The following PIGN variants were observed in gnomAD, a reference collection of about 807,000 sequenced individuals.
PIGN encodes the protein phosphatidylinositol glycan anchor biosynthesis class N, also known as GPI ethanolamine phosphate transferase 1.
Under a neutral mutation model 125.4 loss-of-function variants are expected in PIGN, and 117 were observed. The ratio of observed to expected loss-of-function variants is 0.93; its 90% confidence interval spans 0.80 to 1.09. The LOEUF (loss-of-function observed/expected upper bound fraction) is 1.09, where lower values mean the gene tolerates loss of function less well. PIGN is among the 50% of genes least tolerant of loss of function. The pLI, the probability that PIGN is intolerant of heterozygous loss-of-function variation, is 0.00. For synonymous variants in PIGN, 392 were observed against 377.8 expected, an observed-to-expected ratio of 1.04 and a Z score of -0.44; for missense variants, 1,075 against 1,094.9, an observed-to-expected ratio of 0.98 and a Z score of 0.26.
chr18:62,112,255 A>G (rs1287018146), intron 16 of PIGN, among the ~76,000 whole-genome samples: 1 of 152,224 alleles, frequency 6.6e-6, no homozygotes, highest in Non-Finnish European at 1.5e-5. Context: ...ATTATAATAA[A>G]CACTAATGGC....
intron 14 of PIGN, among the ~76,000 whole-genome samples, chr18:62,117,241 A>T (rs1466481874): frequency 6.6e-6 from 1 of 152,128 alleles, no homozygotes; most frequent in African/African-American, 2.4e-5. Context: ...GGGGATATAA[A>T]GTAAATTTTC....
chr18:62,178,395 T>C (rs2037602002), intron 1 of PIGN, among the ~76,000 whole-genome samples: 1 of 151,928 alleles, frequency 6.6e-6, no homozygotes, highest in Admixed American at 6.6e-5. Flanking sequence ...ACCACCGTAC[T>C]CTGCCATTTT....
intron 22 of PIGN, among the ~76,000 whole-genome samples, chr18:62,098,316 G>A (rs956108537): frequency 2.6e-5 from 4 of 152,062 alleles, no homozygotes; most frequent in Admixed American, 1.3e-4. Flanking sequence ...TTTTCCAGAT[G>A]TGTAGCTCCA....
At chr18:62,032,886 G>A (rs2030210302) in intron 23 of PIGN, among the ~76,000 whole-genome samples, 1 of 152,234 alleles carries the variant, frequency 6.6e-6, no homozygotes, top group Non-Finnish European at 1.5e-5. Flanking sequence ...AAGCCACAGT[G>A]AGAAATCACA....
intron 24 of PIGN, among the ~76,000 whole-genome samples, chr18:62,090,046 A>G (rs962243357): frequency 4.6e-5 from 7 of 152,188 alleles, no homozygotes; most frequent in East Asian, 1.9e-4. Context: ...ATGACCAGAA[A>G]GTGAAAAACA....
chr18:62,051,498 T>C (rs1301343530), intron 30 of PIGN, among the ~76,000 whole-genome samples: 1 of 152,196 alleles, frequency 6.6e-6, no homozygotes, highest in Non-Finnish European at 1.5e-5. Flanking sequence ...TAGAGGTGTT[T>C]GTAGTATTCT....
chr18:62,106,711 T>C, intron 19 of PIGN, 78 bp downstream of exon 19: 1 of 898,420 alleles, frequency 1.1e-6, no homozygotes, highest in Non-Finnish European at 1.7e-6. Context: ...TCTTTAAAAA[T>C]AAACAGTTCC....
chr18:62,073,546 T>C (rs1007882535), intron 29 of PIGN, among the ~76,000 whole-genome samples: 1 of 152,218 alleles, frequency 6.6e-6, no homozygotes, highest in Non-Finnish European at 1.5e-5. Context: ...ATCTTTTTTA[T>C]ACAAAATTAA....
chr18:62,030,136 A>G (rs1438851926), intron 23 of PIGN, among the ~76,000 whole-genome samples: 2 of 152,236 alleles, frequency 1.3e-5, no homozygotes, highest in Admixed American at 1.3e-4. Flanking sequence ...TATAAGCCAG[A>G]ATGTCGGTTA....
At chr18:62,149,293 C>T (rs2036446905) in intron 7 of PIGN, among the ~76,000 whole-genome samples, 1 of 152,102 alleles carries the variant, frequency 6.6e-6, no homozygotes, top group African/African-American at 2.4e-5. Context: ...AACCTATCAT[C>T]CTTCTCAAAA....
At chr18:62,078,040 T>C (rs2033263262) in intron 28 of PIGN, among the ~76,000 whole-genome samples, 1 of 152,222 alleles carries the variant, frequency 6.6e-6, no homozygotes. Context: ...CACCTCATTT[T>C]AGTTACCTAT....
chr18:62,073,733 T>C (rs1037533041), intron 29 of PIGN, among the ~76,000 whole-genome samples: 1 of 152,188 alleles, frequency 6.6e-6, no homozygotes, highest in African/African-American at 2.4e-5. Flanking sequence ...TTTGGGAAGC[T>C]ACCCTTATTA....
chr18:62,161,278 A>T lies in PIGN; in HGVS notation c.76T>A (p.Ser26Thr), dbSNP rs183421871. 4.3e-6 allele frequency: 7 copies of T among 1,613,794 alleles called. No homozygotes were observed. The East Asian group carries it at 1.6e-4, about 36-fold the overall frequency. The change falls in exon 4 of 31, where the codon TCT becomes ACT. Residue 26 changes from serine (S) to threonine (T), a missense_variant. This residue lies in a region of PIGN where 152 missense variants were observed against 162.9 expected (regional missense o/e 0.93). Coordinates refer to ENST00000640252, the MANE Select transcript of PIGN (RefSeq NM_176787.5). ...FASIFDIYFT[S>T]PLVHGMTPQF... ...GGAGTCATTCCATGAACCAAAGGAG[A>T]TGTAAAATAAATGTCAAAGATGGAG...
chr18:62,128,078 T>G (rs994768294), intron 14 of PIGN, among the ~76,000 whole-genome samples: 2 of 152,168 alleles, frequency 1.3e-5, no homozygotes, highest in African/African-American at 4.8e-5. Context: ...ATTCCCACTT[T>G]TATAATGTCA....
At chr18:62,173,690 A>T (rs1485682121) in intron 1 of PIGN, among the ~76,000 whole-genome samples, 1 of 152,254 alleles carries the variant, frequency 6.6e-6, no homozygotes, top group Non-Finnish European at 1.5e-5. Context: ...GAATAAACGT[A>T]TGTCAAGTAC....
At chr18:62,131,292 G>T (rs2035727502) in intron 14 of PIGN, among the ~76,000 whole-genome samples, 1 of 151,980 alleles carries the variant, frequency 6.6e-6, no homozygotes, top group Non-Finnish European at 1.5e-5. Context: ...TATTGGCAAG[G>T]TATATATCCC....
intron 30 of PIGN, among the ~76,000 whole-genome samples, chr18:62,050,837 T>C (rs2031216228): frequency 1.3e-5 from 2 of 151,528 alleles, no homozygotes; most frequent in Non-Finnish European, 3.0e-5. Context: ...GGCTGTGGGT[T>C]TGTCATAGAT....
intron 30 of PIGN, among the ~76,000 whole-genome samples, chr18:62,070,812 A>T (rs1041828810): frequency 6.8e-6 from 1 of 147,782 alleles, no homozygotes; most frequent in Non-Finnish European, 1.5e-5. Flanking sequence ...TAATTAATTA[A>T]TTTTTTTTTG....
intron 30 of PIGN, chr18:62,051,638 C>T (rs894081101): frequency 6.6e-6 from 1 of 151,904 alleles, no homozygotes; most frequent in African/African-American, 2.4e-5. Context: ...TTTGTTGATC[C>T]TTTCAAAAAA....
Sources: gnomAD v4.1 joint callset for allele counts (sites outside exome capture counted in the v4.1 genomes callset) on GRCh38, gnomAD v4.1.1 for gene constraint, gnomAD v4.1.1 regional missense constraint, MANE v1.5 for transcripts, NCBI Gene and HGNC (gene_info 2026-07-23, HGNC 2026-07-21) for gene names.